TIAM1: variants seen among roughly 807,000 people sequenced by gnomAD.
The protein encoded by TIAM1 is rho guanine nucleotide exchange factor TIAM1.
TIAM1 carries 65 observed loss-of-function variants against 163.5 expected under a neutral mutation model. The ratio of observed to expected loss-of-function variants is 0.40; its 90% CI spans 0.33 to 0.49. The LOEUF is 0.49. Among genes scored for constraint, TIAM1 ranks in the 20% least tolerant of loss-of-function variants. The pLI, the probability that TIAM1 is intolerant of heterozygous loss-of-function variation, is 0.77. For missense variants in TIAM1, 1,789 were observed against 2,044.7 expected (o/e 0.87, Z 2.41); for synonymous variants, 833 against 810.1 (o/e 1.03, Z -0.48).
chr21:31,471,870 A>AAATAATAAT (rs551501073), intron 1 of TIAM1, among the ~76,000 whole-genome samples: 2,311 of 118,882 alleles, frequency 0.019, 67 homozygotes, highest in African/African-American at 0.07. Flanking sequence ...ACTCCATCTC[A>AAATAATAAT]AATAATAATA....
At chr21:31,532,355 T>C (rs2047998126) in intron 1 of TIAM1, among the ~76,000 whole-genome samples, 2 of 152,086 alleles carry the variant, frequency 1.3e-5, no homozygotes. Flanking sequence ...ACACACAAAA[T>C]CTCTTCTTGA....
chr21:31,378,076 C>G (rs890199545), intron 2 of TIAM1, among the ~76,000 whole-genome samples: 1 of 140,500 alleles, frequency 7.1e-6, no homozygotes, highest in Non-Finnish European at 1.5e-5. Context: ...GTGGAGGTTG[C>G]AGTGAGCTGA....
chr21:31,222,676 CATATATATATATATAT>C (rs146567405), intron 8 of TIAM1, among the ~76,000 whole-genome samples: 74 of 48,244 alleles, frequency 1.5e-3, no homozygotes, highest in Middle Eastern at 0.015. Flanking sequence ...TGTACACATA[CATATATATATATATAT>C]ATATATATAT....
intron 2 of TIAM1, among the ~76,000 whole-genome samples, chr21:31,301,049 G>A (rs1372057299): frequency 6.6e-6 from 1 of 152,202 alleles, no homozygotes; most frequent in Non-Finnish European, 1.5e-5. Context: ...GGATGAAACT[G>A]CATTGTGAAT....
chr21:31,257,752 G>C (rs2072197832), intron 4 of TIAM1, among the ~76,000 whole-genome samples: 1 of 152,070 alleles, frequency 6.6e-6, no homozygotes, highest in Non-Finnish European at 1.5e-5. Flanking sequence ...CCACCCACTA[G>C]TGAAATTGAA....
At chr21:31,418,203 G>C (rs1042297729) in intron 2 of TIAM1, among the ~76,000 whole-genome samples, 1 of 151,914 alleles carries the variant, frequency 6.6e-6, no homozygotes, top group Non-Finnish European at 1.5e-5. Context: ...TTAGCAGGGC[G>C]TGGTGGCACA....
intron 1 of TIAM1, among the ~76,000 whole-genome samples, chr21:31,534,926 G>A (rs567160869): frequency 6.3e-4 from 96 of 152,186 alleles, no homozygotes; most frequent in Non-Finnish European, 1.3e-3. Context: ...GCAACATGAC[G>A]AAACCCCATC....
intron 1 of TIAM1, among the ~76,000 whole-genome samples, chr21:31,555,563 T>G (rs1361718034): frequency 6.6e-6 from 1 of 152,062 alleles, no homozygotes; most frequent in Non-Finnish European, 1.5e-5. Context: ...ATCTGTAACC[T>G]GGCCCAGAGG....
intron 2 of TIAM1, among the ~76,000 whole-genome samples, chr21:31,280,968 T>A (rs1272972329): frequency 6.6e-6 from 1 of 150,654 alleles, no homozygotes; most frequent in Non-Finnish European, 1.5e-5. Flanking sequence ...ATAAAAAAAA[T>A]TAGCTGGGTG....
chr21:31,262,070 A>C (rs960607799), intron 4 of TIAM1, among the ~76,000 whole-genome samples: 2 of 152,160 alleles, frequency 1.3e-5, no homozygotes, highest in Non-Finnish European at 2.9e-5. Flanking sequence ...CAACTCACCC[A>C]CTGAAAGTTT....
At chr21:31,311,235 A>G (rs949157672) in intron 2 of TIAM1, among the ~76,000 whole-genome samples, 2 of 151,784 alleles carry the variant, frequency 1.3e-5, no homozygotes, top group African/African-American at 4.8e-5. Flanking sequence ...AGGAACAAAG[A>G]CCCTCCAAAG....
intron 2 of TIAM1, among the ~76,000 whole-genome samples, chr21:31,364,671 G>A (rs372209983): frequency 1.3e-3 from 194 of 151,220 alleles, no homozygotes; most frequent in African/African-American, 4.2e-3. Context: ...ATGGATGGAC[G>A]GATGGATGGA....
At chr21:31,179,576 C>A (rs1039741410) in intron 15 of TIAM1, among the ~76,000 whole-genome samples, 3 of 149,940 alleles carry the variant, frequency 2.0e-5, no homozygotes, top group Non-Finnish European at 4.4e-5. Context: ...CAAAGATGAT[C>A]CCAAAATTGC....
At chr21:31,468,871 G>A (rs1669933185) in intron 1 of TIAM1, among the ~76,000 whole-genome samples, 1 of 152,022 alleles carries the variant, frequency 6.6e-6, no homozygotes, top group Admixed American at 6.6e-5. Flanking sequence ...GTGCCTGGGA[G>A]GCTGCCCTTC....
intron 12 of TIAM1, among the ~76,000 whole-genome samples, chr21:31,197,659 G>A (rs969471285): frequency 6.6e-6 from 1 of 151,768 alleles, no homozygotes; most frequent in Non-Finnish European, 1.5e-5. Context: ...GTGAGCCACC[G>A]CGCCCAGCCG....
chr21:31,169,806 T>C (rs935733924), intron 15 of TIAM1, among the ~76,000 whole-genome samples: 2 of 151,250 alleles, frequency 1.3e-5, no homozygotes, highest in African/African-American at 4.9e-5. Context: ...AAAACAATGG[T>C]GGAAGTGATT....
At chr21:31,516,036 A>G (rs1231748193) in intron 1 of TIAM1, among the ~76,000 whole-genome samples, 1 of 148,668 alleles carries the variant, frequency 6.7e-6, no homozygotes, top group Non-Finnish European at 1.5e-5. Context: ...TGAACCCAGG[A>G]GGCGGAGGTT....
chr21:31,191,857 C>A (rs2085578357), intron 13 of TIAM1, among the ~76,000 whole-genome samples: 1 of 152,176 alleles, frequency 6.6e-6, no homozygotes, highest in African/African-American at 2.4e-5. Flanking sequence ...CCCTGAATCA[C>A]TCAATCTTAG....
chr21:31,493,597 G>A (rs1324576805), intron 1 of TIAM1, among the ~76,000 whole-genome samples: 1 of 152,210 alleles, frequency 6.6e-6, no homozygotes, highest in African/African-American at 2.4e-5. Flanking sequence ...CAAGTCATGG[G>A]TTTAGAAGAA....
Sources: allele counts gnomAD v4.1 joint callset (sites outside exome capture counted in the v4.1 genomes callset), GRCh38; gene constraint gnomAD v4.1.1; transcripts MANE v1.5; gene names NCBI Gene and HGNC (gene_info 2026-07-23, HGNC 2026-07-21).